GLIS3: variants seen among roughly 807,000 people sequenced by gnomAD.
GLIS3 encodes the protein GLIS family zinc finger 3.
Under a neutral mutation model 78.6 loss-of-function variants are expected in GLIS3, and 53 were observed. The ratio of observed to expected loss-of-function variants is 0.67; its 90% CI spans 0.54 to 0.85. The LOEUF (loss-of-function observed/expected upper bound fraction) is 0.85, where lower values mean the gene tolerates loss of function less well. GLIS3 is among the 40% of genes least tolerant of loss of function. The probability of loss-of-function intolerance (pLI) is 0.00; values close to 1 mark genes in which losing one functional copy is unlikely to be tolerated. For synonymous variants in GLIS3, 684 were observed against 509.9 expected, an observed-to-expected ratio of 1.34 and a Z score of -4.60; for missense variants, 1,703 against 1,231.1, an observed-to-expected ratio of 1.38 and a Z score of -5.74.
At chr9:4,129,539 C>G (rs929317710) in intron 2 of GLIS3, among the ~76,000 whole-genome samples, 1 of 152,124 alleles carries the variant, frequency 6.6e-6, no homozygotes, top group Non-Finnish European at 1.5e-5. Context: ...AAGTGTGTGG[C>G]ACCTCCCCCT....
At chr9:4,359,367 T>C in the GLIS3 span, among the ~76,000 whole-genome samples, 4 of 152,322 alleles carry the variant, frequency 2.6e-5, no homozygotes, top group Admixed American at 2.6e-4. Context: ...GGAATCACTG[T>C]CCTTAGAAAC....
chr9:4,379,765 C>T, the GLIS3 span, among the ~76,000 whole-genome samples: 1 of 152,196 alleles, frequency 6.6e-6, no homozygotes, highest in Non-Finnish European at 1.5e-5. Context: ...GAGGTATTTT[C>T]AAATATCTTT....
chr9:4,231,294 G>A (rs1195381197), intron 2 of GLIS3, among the ~76,000 whole-genome samples: 1 of 152,144 alleles, frequency 6.6e-6, no homozygotes, highest in Non-Finnish European at 1.5e-5. Context: ...AAAATGAACA[G>A]TAAATTTGAA....
the GLIS3 span, among the ~76,000 whole-genome samples, chr9:4,480,762 T>C: frequency 0.012 from 1,866 of 152,056 alleles, 31 homozygotes; most frequent in African/African-American, 0.041. Context: ...ATACATTTAA[T>C]TGGAATTGTA....
intron 6 of GLIS3, among the ~76,000 whole-genome samples, chr9:3,911,401 C>T (rs770121788): frequency 2.6e-5 from 4 of 152,204 alleles, no homozygotes; most frequent in Non-Finnish European, 4.4e-5. Flanking sequence ...CTCTTCTTGG[C>T]TACATTCAAC....
intron 2 of GLIS3, among the ~76,000 whole-genome samples, chr9:4,316,993 C>T (rs117735329): frequency 1.3e-5 from 2 of 152,154 alleles, no homozygotes; most frequent in South Asian, 2.1e-4. Context: ...GTCTAAGAAC[C>T]TATTGACAAT....
intron 4 of GLIS3, chr9:4,305,286 T>G (rs565221566): frequency 6.6e-6 from 1 of 152,218 alleles, no homozygotes; most frequent in East Asian, 1.9e-4. Flanking sequence ...AGAGTGGACT[T>G]TGGAATCAGA....
chr9:4,237,087 T>C (rs1168568490), intron 2 of GLIS3, among the ~76,000 whole-genome samples: 1 of 129,730 alleles, frequency 7.7e-6, no homozygotes, highest in East Asian at 2.3e-4. Context: ...GCAATAAGTA[T>C]AAAGAATCAC....
At chr9:4,377,994 G>C in the GLIS3 span, among the ~76,000 whole-genome samples, 2 of 152,138 alleles carry the variant, frequency 1.3e-5, no homozygotes, top group African/African-American at 4.8e-5. Context: ...TTACTCTGCA[G>C]CCAGTAAAAC....
At chr9:3,972,398 T>C (rs942113292) in intron 4 of GLIS3, among the ~76,000 whole-genome samples, 1 of 152,186 alleles carries the variant, frequency 6.6e-6, no homozygotes, top group Admixed American at 6.5e-5. Context: ...GTATGGTCAC[T>C]GCTCAGTTTT....
intron 5 of GLIS3, among the ~76,000 whole-genome samples, chr9:3,934,036 G>T (rs182225581): frequency 6.6e-6 from 1 of 152,314 alleles, no homozygotes; most frequent in East Asian, 1.9e-4. Flanking sequence ...TCAGACTAGG[G>T]ATCTAAAAGT....
At chr9:4,219,797 C>G (rs1352214304) in intron 2 of GLIS3, among the ~76,000 whole-genome samples, 1 of 152,152 alleles carries the variant, frequency 6.6e-6, no homozygotes, top group South Asian at 2.1e-4. Flanking sequence ...CCACGCAGAG[C>G]AAAGCAGGGG....
intron 2 of GLIS3, among the ~76,000 whole-genome samples, chr9:4,282,261 T>G (rs1827626429): frequency 6.6e-6 from 1 of 152,206 alleles, no homozygotes; most frequent in Admixed American, 6.5e-5. Context: ...TGGTTAAAAT[T>G]TATGTGTCAA....
chr9:3,857,285 G>A (rs577684104), intron 8 of GLIS3, among the ~76,000 whole-genome samples: 6 of 152,198 alleles, frequency 3.9e-5, no homozygotes, highest in African/African-American at 4.8e-5. Context: ...GCAGTAACAC[G>A]TATAGGTCAC....
rs546154933 is a variant in GLIS3, at chr9:3,903,413, C to A, written c.1984-4578G>T. On this transcript the variant is annotated intron_variant, in intron 6 of 10. Coordinates refer to ENST00000381971, the MANE Select transcript of GLIS3 (RefSeq NM_001042413.2). ...CGGAGAAAAGTGGAATTTGAAACCA[C>A]TGATTGTCAATTCACCTATTTCAAA... 3.3e-5 allele frequency among the ~76,000 whole-genome samples: 5 copies of A among 152,226 alleles called. No individual in the cohort carries two copies. The South Asian group carries it at 8.3e-4, about 25-fold the overall frequency.
chr9:3,870,998 T>C (rs1386855481), intron 8 of GLIS3, among the ~76,000 whole-genome samples: 1 of 152,132 alleles, frequency 6.6e-6, no homozygotes, highest in Non-Finnish European at 1.5e-5. Flanking sequence ...CCAGATACAA[T>C]GGGGATACAG....
At chr9:4,480,566 C>T in the GLIS3 span, among the ~76,000 whole-genome samples, 1 of 152,042 alleles carries the variant, frequency 6.6e-6, no homozygotes, top group African/African-American at 2.4e-5. Context: ...AATCCTCTTT[C>T]CTGTACCTAA....
chr9:4,433,261 G>A, the GLIS3 span, among the ~76,000 whole-genome samples: 1 of 152,014 alleles, frequency 6.6e-6, no homozygotes, highest in East Asian at 1.9e-4. Flanking sequence ...TTGAAACCCT[G>A]TCTCTACTAA....
At chr9:4,146,379 A>G (rs1212933637) in intron 2 of GLIS3, among the ~76,000 whole-genome samples, 1 of 152,216 alleles carries the variant, frequency 6.6e-6, no homozygotes, top group Non-Finnish European at 1.5e-5. Flanking sequence ...TTCATCAATA[A>G]TTAGTATTAA....
Sources: gnomAD v4.1 joint callset for allele counts (sites outside exome capture counted in the v4.1 genomes callset) on GRCh38, gnomAD v4.1.1 for gene constraint, MANE v1.5 for transcripts, NCBI Gene and HGNC (gene_info 2026-07-23, HGNC 2026-07-21) for gene names.